USP45: variants seen among roughly 807,000 people sequenced by gnomAD.
USP45 encodes ubiquitin carboxyl-terminal hydrolase 45.
In USP45, 89 loss-of-function variants were observed where a neutral mutation model predicts 95.8. The observed-to-expected ratio is 0.93, with a 90% CI of 0.78 to 1.11. The LOEUF (loss-of-function observed/expected upper bound fraction) is 1.11, where lower values mean the gene tolerates loss of function less well. USP45 is among the 50% of genes least tolerant of loss of function. USP45 has a pLI of 0.00. For synonymous variants in USP45, 281 were observed against 316.2 expected, an observed-to-expected ratio of 0.89 and a Z score of 1.18; for missense variants, 898 against 942.5, an observed-to-expected ratio of 0.95 and a Z score of 0.62.
intron 13 of USP45, among the ~76,000 whole-genome samples, chr6:99,464,348 A>C (rs1233569060): frequency 6.6e-6 from 1 of 152,188 alleles, no homozygotes; most frequent in Non-Finnish European, 1.5e-5. Flanking sequence ...GTAGAGATAC[A>C]CATTGAAGTA....
chr6:99,491,785 G>A (rs899222156), intron 5 of USP45, among the ~76,000 whole-genome samples: 3 of 151,618 alleles, frequency 2.0e-5, no homozygotes, highest in Non-Finnish European at 2.9e-5. Flanking sequence ...TCCAAAACAT[G>A]AAGCAGACTT....
chr6:99,505,781 T>A (rs1272737956), intron 4 of USP45, among the ~76,000 whole-genome samples: 1 of 152,172 alleles, frequency 6.6e-6, no homozygotes, highest in Non-Finnish European at 1.5e-5. Context: ...CTTGGGAGCT[T>A]GTTAAATGCA....
At chr6:99,488,438 T>C (rs1794478107) in intron 6 of USP45, 143 bp from the exon 7 acceptor site, 2 of 687,832 alleles carry the variant, frequency 2.9e-6, no homozygotes, top group Non-Finnish European at 4.7e-6. Flanking sequence ...ATTTTACATT[T>C]AGTAAAGGTC....
intron 13 of USP45, among the ~76,000 whole-genome samples, chr6:99,448,376 G>A (rs1338711659): frequency 6.6e-6 from 1 of 152,178 alleles, no homozygotes; most frequent in Non-Finnish European, 1.5e-5. Context: ...ACCATGACAG[G>A]AGAACTACGT....
intron 7 of USP45, 53 bp from the exon 8 acceptor site, chr6:99,482,936 T>C: frequency 7.3e-7 from 1 of 1,370,996 alleles, no homozygotes. Context: ...AAAAATAACA[T>C]ATTAAAAATC....
intron 1 of USP45, among the ~76,000 whole-genome samples, chr6:99,510,647 T>A (rs1799575458): frequency 6.6e-6 from 1 of 152,100 alleles, no homozygotes; most frequent in African/African-American, 2.4e-5. Context: ...AAGATGGCCA[T>A]CTATAAACCA....
Position 99,465,104 on chromosome 6 carries a change from A to G in USP45, c.1140T>C (p.Ile380=). The G allele has an allele frequency of 6.3e-7, 1 of 1,598,654 alleles. No homozygotes were observed. ...ISTVKDPFID[I]SLPIIEERVS... is the part of the protein sequence containing the mutation. ...CCCTTTCTTCTATTATAGGAAGTGA[A>G]ATATCAATGAATGGATCTTTCACCG... The change falls in exon 12 of 18, where the codon ATT becomes ATC. Residue 380 remains isoleucine, a synonymous_variant. Coordinates refer to ENST00000500704, the MANE Select transcript of USP45 (RefSeq NM_001346022.3).
chr6:99,435,747 G>A lies in USP45; in HGVS notation c.2414C>T (p.Ala805Val), dbSNP rs373574820. Residue 805 changes from alanine (A) to valine (V), a missense_variant, in exon 18 of 18, where the codon GCC (alanine) becomes GTC (valine). Physicochemically the swap from Ala to Val is moderately conservative, Grantham distance 64 (BLOSUM62 0). Coordinates refer to ENST00000500704, the MANE Select transcript of USP45 (RefSeq NM_001346022.3). ...TACTCTTTCATAGAAAAGAAGGTAG[G>A]CTTGTGCACTAAGTGCTCTTGATTC... ...VPESRALSAQAYLLFYERVL is the reference protein window; with the variant it reads ...VPESRALSAQVYLLFYERVL The A allele has an allele frequency of 3.7e-6, 6 of 1,613,254 alleles. No individual in the cohort carries two copies. The African/African-American group carries it at 8.0e-5, about 22-fold the overall frequency.
intron 13 of USP45, among the ~76,000 whole-genome samples, chr6:99,450,721 G>C (rs576657315): frequency 1.3e-5 from 2 of 152,248 alleles, no homozygotes; most frequent in East Asian, 3.9e-4. Context: ...ACCTGGCAGA[G>C]ACACAACAAA....
At chr6:99,463,934 G>A (rs1787216190) in intron 13 of USP45, among the ~76,000 whole-genome samples, 1 of 150,116 alleles carries the variant, frequency 6.7e-6, no homozygotes, top group African/African-American at 2.5e-5. Context: ...TTTAAATAAT[G>A]ACTGAATCCT....
intron 7 of USP45, among the ~76,000 whole-genome samples, chr6:99,483,871 A>C (rs957580833): frequency 6.9e-6 from 1 of 145,232 alleles, no homozygotes; most frequent in Admixed American, 6.9e-5. Flanking sequence ...AAAGAATGTT[A>C]TCTTCCAAGA....
chr6:99,490,431 C>A (rs184040977), intron 5 of USP45, among the ~76,000 whole-genome samples: 1 of 151,934 alleles, frequency 6.6e-6, no homozygotes, highest in Non-Finnish European at 1.5e-5. Context: ...CCACCCACCT[C>A]GGGCTCCCAA....
chr6:99,504,854 C>A (rs1374376594), intron 4 of USP45, among the ~76,000 whole-genome samples: 1 of 152,138 alleles, frequency 6.6e-6, no homozygotes, highest in African/African-American at 2.4e-5. Context: ...TACAGAACAG[C>A]ACAGCAAGGA....
intron 8 of USP45, among the ~76,000 whole-genome samples, chr6:99,481,800 T>C (rs145290419): frequency 3.3e-5 from 5 of 152,310 alleles, no homozygotes; most frequent in African/African-American, 1.2e-4. Flanking sequence ...TCACTTAGAA[T>C]AATGGCCTCC....
chr6:99,502,674 C>T (rs1363767347), intron 5 of USP45, among the ~76,000 whole-genome samples: 5 of 152,306 alleles, frequency 3.3e-5, no homozygotes, highest in East Asian at 1.9e-4. Flanking sequence ...GAGTTGTAAT[C>T]GCCAATGTTG....
chr6:99,456,586 A>C (rs572557753), intron 13 of USP45, among the ~76,000 whole-genome samples: 29 of 152,320 alleles, frequency 1.9e-4, no homozygotes, highest in Middle Eastern at 3.4e-3. Flanking sequence ...AACATAAATC[A>C]TAAAGATTGC....
chr6:99,465,872 GT>G, intron 11 of USP45, among the ~76,000 whole-genome samples: 1 of 152,254 alleles, frequency 6.6e-6, no homozygotes, highest in Non-Finnish European at 1.5e-5. Flanking sequence ...GCTTTAAGTT[GT>G]TAAAGATGGC....
intron 9 of USP45, among the ~76,000 whole-genome samples, chr6:99,469,762 C>T (rs1361520269): frequency 1.3e-5 from 2 of 151,748 alleles, no homozygotes; most frequent in Non-Finnish European, 2.9e-5. Context: ...GAATTACAGG[C>T]ATGAGCTGCC....
chr6:99,435,921 A>G, intron 17 of USP45, 75 bp from the exon 18 acceptor site: 3 of 1,430,072 alleles, frequency 2.1e-6, no homozygotes, highest in Non-Finnish European at 2.8e-6. Flanking sequence ...AAACAATAAC[A>G]TATTCATTAC....
Sources: gnomAD v4.1 joint callset for allele counts (sites outside exome capture counted in the v4.1 genomes callset) on GRCh38, gnomAD v4.1.1 for gene constraint, MANE v1.5 for transcripts, NCBI Gene and HGNC (gene_info 2026-07-23, HGNC 2026-07-21) for gene names.